GABRG3: variants seen among roughly 807,000 people sequenced by gnomAD.
The protein encoded by GABRG3 is gamma-aminobutyric acid type A receptor subunit gamma3, also known as gamma-aminobutyric acid receptor subunit gamma-3.
In GABRG3, 25 loss-of-function variants were observed where a neutral mutation model predicts 48.8. The observed-to-expected ratio is 0.51, with a 90% CI of 0.37 to 0.72. GABRG3 has a LOEUF of 0.72. GABRG3 is among the 30% of genes least tolerant of loss of function. The probability of loss-of-function intolerance (pLI) is 0.00; values close to 1 mark genes in which losing one functional copy is unlikely to be tolerated. For synonymous variants in GABRG3, 227 were observed against 217.6 expected, an observed-to-expected ratio of 1.04 and a Z score of -0.38; for missense variants, 394 against 577.9, an observed-to-expected ratio of 0.68 and a Z score of 3.26.
At chr15:27,350,499 G>A (rs1465521155) in intron 5 of GABRG3, 1 of 255,758 alleles carries the variant, frequency 3.9e-6, no homozygotes, top group South Asian at 4.4e-5. Flanking sequence ...CAGGGAGTTC[G>A]CAGTGCAGTT....
rs150140195 is a variant in GABRG3 at position 27,248,767 on chromosome 15, AAC to A, written c.271-78006_271-78005del. On this transcript the variant is annotated intron_variant, in intron 3 of 9. Coordinates refer to ENST00000615808, the MANE Select transcript of GABRG3 (RefSeq NM_033223.5). Reference sequence around the variant, plus strand: ...TGGAAGAGTTTTAGGTGAGAAGGAAAACACACACACACACACACACACACACA... The same window carrying A: ...TGGAAGAGTTTTAGGTGAGAAGGAAAACACACACACACACACACACACACA... 6.4e-3 allele frequency among the ~76,000 whole-genome samples: 751 copies of A among 117,062 alleles called. 6 individuals carry two copies. Among genetic ancestry groups the A allele is most frequent in the African/African-American group, 0.022 (610 of 27,356 alleles). 76.8% of individuals were successfully genotyped at this position (117,062 alleles called of 152,430 possible).
At chr15:27,328,579 A>G (rs1025857530) in intron 4 of GABRG3, among the ~76,000 whole-genome samples, 1 of 152,336 alleles carries the variant, frequency 6.6e-6, no homozygotes. Flanking sequence ...AATTTTACTA[A>G]CTGGAATTCT....
chr15:27,491,559 G>T (rs1303292194), intron 6 of GABRG3, among the ~76,000 whole-genome samples: 1 of 152,100 alleles, frequency 6.6e-6, no homozygotes, highest in Non-Finnish European at 1.5e-5. Flanking sequence ...CTTCCTTTAA[G>T]CTATCCATCC....
intron 5 of GABRG3, among the ~76,000 whole-genome samples, chr15:27,421,928 T>A (rs1888130089): frequency 6.7e-6 from 1 of 148,708 alleles, no homozygotes. Context: ...GTGGGCTGCA[T>A]ATCCACCAAT....
At chr15:27,294,589 G>A (rs749023380) in intron 3 of GABRG3, among the ~76,000 whole-genome samples, 6 of 152,022 alleles carry the variant, frequency 3.9e-5, no homozygotes, top group African/African-American at 1.4e-4. Flanking sequence ...TGGTTCTTAC[G>A]GGGTTGTCTT....
chr15:27,073,006 A>G (rs1351606332), intron 3 of GABRG3, among the ~76,000 whole-genome samples: 1 of 152,178 alleles, frequency 6.6e-6, no homozygotes, highest in Non-Finnish European at 1.5e-5. Context: ...ACAAACAAAC[A>G]AACAAACAAA....
At chr15:27,011,588 C>G (rs556034617) in intron 2 of GABRG3, among the ~76,000 whole-genome samples, 2 of 152,302 alleles carry the variant, frequency 1.3e-5, no homozygotes, top group African/African-American at 4.8e-5. Flanking sequence ...TGGCTCACGC[C>G]TGTAATCCCA....
chr15:27,092,866 A>G (rs1897213055), intron 3 of GABRG3, among the ~76,000 whole-genome samples: 1 of 151,996 alleles, frequency 6.6e-6, no homozygotes, highest in East Asian at 1.9e-4. Flanking sequence ...GCAGCCCCAC[A>G]TAATTACCAG....
chr15:27,258,230 GCTATA>G (rs1280884986), intron 3 of GABRG3, among the ~76,000 whole-genome samples: 1 of 152,150 alleles, frequency 6.6e-6, no homozygotes, highest in Non-Finnish European at 1.5e-5. Context: ...GGCATATAAA[GCTATA>G]CCTTATTACC....
At chr15:27,171,521 T>TATATATATATATATAC (rs1028697177) in intron 3 of GABRG3, among the ~76,000 whole-genome samples, 1 of 148,046 alleles carries the variant, frequency 6.8e-6, no homozygotes. Context: ...TATATATATA[T>TATATATATATATATAC]ATACATATAC....
In GABRG3 at chr15:27,457,291, T is replaced by A. The variant is rs887771767; in HGVS notation, c.575-23359T>A. Among the ~76,000 whole-genome samples, 1 of 152,162 alleles carries A rather than the reference T, an allele frequency of 6.6e-6. No homozygotes were observed. The highest frequency in any genetic ancestry group is 1.5e-5 in the Non-Finnish European group (1 of 68,034). On this transcript the variant is annotated intron_variant, in intron 5 of 9. Coordinates refer to ENST00000615808, the MANE Select transcript of GABRG3 (RefSeq NM_033223.5). The surrounding 1 kb of genome is among the most constrained non-coding windows in gnomAD (Gnocchi z 4.4). Reference sequence around the variant, plus strand: ...GAGGCATTTCCTTTCTACTTGCATCTCACAGGAAGGAGGCTTGGAAGATAT... The same window carrying A: ...GAGGCATTTCCTTTCTACTTGCATCACACAGGAAGGAGGCTTGGAAGATAT...
chr15:27,329,034 G>A (rs1355246733), intron 5 of GABRG3, 146 bp downstream of exon 5: 4 of 718,188 alleles, frequency 5.6e-6, no homozygotes, highest in South Asian at 3.4e-5. Context: ...TGACCACCTG[G>A]GTGTTTTCAC....
At chr15:27,143,862 C>T (rs1051920425) in intron 3 of GABRG3, among the ~76,000 whole-genome samples, 12 of 152,000 alleles carry the variant, frequency 7.9e-5, no homozygotes, top group African/African-American at 2.2e-4. Flanking sequence ...ATTTGTTGAC[C>T]GTGAGGTTTG....
intron 5 of GABRG3, among the ~76,000 whole-genome samples, chr15:27,419,810 G>C (rs1264676042): frequency 6.6e-6 from 1 of 152,174 alleles, no homozygotes; most frequent in Non-Finnish European, 1.5e-5. Flanking sequence ...TTTGATCACT[G>C]ATGTTTAGAA....
At chr15:27,318,046 G>A (rs1216302079) in intron 3 of GABRG3, among the ~76,000 whole-genome samples, 1 of 152,010 alleles carries the variant, frequency 6.6e-6, no homozygotes, top group East Asian at 1.9e-4. Context: ...AATAAAAACC[G>A]TGCTCCTGTA....
chr15:27,321,342 G>A (rs533546379), intron 3 of GABRG3, among the ~76,000 whole-genome samples: 19 of 152,292 alleles, frequency 1.2e-4, no homozygotes, highest in Non-Finnish European at 2.5e-4. Flanking sequence ...TCAACCAGGC[G>A]GCCAGACCTT....
chr15:27,360,547 C>T (rs748028785), intron 5 of GABRG3, among the ~76,000 whole-genome samples: 3 of 152,144 alleles, frequency 2.0e-5, no homozygotes, highest in Admixed American at 6.5e-5. Context: ...AATAGACAAC[C>T]CATGGCTGTC....
chr15:27,015,753 A>T (rs1438683997), intron 2 of GABRG3, among the ~76,000 whole-genome samples: 3 of 151,886 alleles, frequency 2.0e-5, no homozygotes, highest in African/African-American at 4.8e-5. Context: ...TACTCTATAG[A>T]TATTTTCTTC....
intron 6 of GABRG3, among the ~76,000 whole-genome samples, chr15:27,488,204 G>A (rs1401922082): frequency 6.6e-6 from 1 of 152,138 alleles, no homozygotes; most frequent in African/African-American, 2.4e-5. Flanking sequence ...AAGCATTGAT[G>A]TCATTCCTCC....
Sources: gnomAD v4.1 joint callset for allele counts (sites outside exome capture counted in the v4.1 genomes callset) on GRCh38, gnomAD v4.1.1 for gene constraint, Gnocchi (gnomAD v3.1) non-coding constraint, MANE v1.5 for transcripts, NCBI Gene and HGNC (gene_info 2026-07-23, HGNC 2026-07-21) for gene names.